TMEM164: variants seen among roughly 807,000 people sequenced by gnomAD.
TMEM164 encodes the protein transmembrane protein 164.
In TMEM164, 4 loss-of-function variants were observed where a neutral mutation model predicts 18.8. That is an observed-to-expected ratio of 0.21 (90% CI 0.10 to 0.49). The LOEUF (loss-of-function observed/expected upper bound fraction) is 0.49, where lower values mean the gene tolerates loss of function less well. Ranked by LOEUF, TMEM164 falls within the 20% of genes least tolerant of loss-of-function variation. The pLI is 0.98. For synonymous variants in TMEM164, 86 were observed against 101.7 expected (o/e 0.85, Z 0.93); for missense variants, 108 against 239.9 (o/e 0.45, Z 3.63).
intron 5 of TMEM164, among the ~76,000 whole-genome samples, chrX:110,160,829 C>T (rs1311204101): frequency 8.9e-6 from 1 of 112,025 alleles, no homozygotes; most frequent in Admixed American, 9.4e-5. Flanking sequence ...CAACCTCCAC[C>T]TCCTGGGTTC....
intron 3 of TMEM164, among the ~76,000 whole-genome samples, chrX:110,073,320 G>A (rs1258591103): frequency 1.8e-5 from 2 of 112,066 alleles, no homozygotes; most frequent in Non-Finnish European, 3.8e-5. Flanking sequence ...ACAGGCATGA[G>A]CTACTATGCC....
At chrX:110,063,486 G>A in intron 2 of TMEM164, among the ~76,000 whole-genome samples, 1 of 111,488 alleles carries the variant, frequency 9.0e-6, no homozygotes, top group Admixed American at 9.5e-5. Flanking sequence ...GAGAGGTTCG[G>A]TAGAGAAGGT....
intron 4 of TMEM164, among the ~76,000 whole-genome samples, chrX:110,124,102 G>A (rs1017053347): frequency 1.9e-4 from 20 of 105,061 alleles, no homozygotes; most frequent in Non-Finnish European, 3.7e-4. Context: ...GTGACAGAGT[G>A]AGAACCTGTA....
chrX:110,009,222 C>T (rs1011910943), intron 2 of TMEM164, among the ~76,000 whole-genome samples: 1 of 112,109 alleles, frequency 8.9e-6, no homozygotes, highest in East Asian at 2.8e-4. Flanking sequence ...CACAGATGGG[C>T]CACCTTCTTC....
At chrX:110,166,341 G>A (rs932532241) in intron 5 of TMEM164, among the ~76,000 whole-genome samples, 1 of 112,363 alleles carries the variant, frequency 8.9e-6, no homozygotes, top group African/African-American at 3.2e-5. Flanking sequence ...ACTTGTAAAC[G>A]CAGGTAGTTC....
At chrX:110,150,199 A>G (rs1010836826) in intron 5 of TMEM164, among the ~76,000 whole-genome samples, 5 of 112,401 alleles carry the variant, frequency 4.4e-5, no homozygotes, top group Non-Finnish European at 7.5e-5. Flanking sequence ...AATGACATTT[A>G]AATAGAAATC....
rs749002433 is a variant in TMEM164, at chrX:110,072,178, G to A, written c.440+4782G>A. Among the ~76,000 whole-genome samples, 479 of 107,155 alleles carry A rather than the reference G, an allele frequency of 4.5e-3. 3 individuals are homozygous for A. The highest frequency in any genetic ancestry group is 7.3e-3 in the Non-Finnish European group (380 of 52,122). The allele number at this position is 107,155 out of a possible 115,157, so 93.1% of individuals were successfully genotyped here. A position where few individuals can be genotyped will look rare whatever the true frequency, so the allele number is the denominator to read the frequency against. On this transcript the variant is annotated intron_variant, in intron 3 of 6. Coordinates refer to ENST00000372068, the MANE Select transcript of TMEM164 (RefSeq NM_032227.4). ...TAGCTGGGTGTGGTGGCAGGTGCCT[G>A]TAATCCCAGCTACTCGAGAGGCTGA...
chrX:110,053,722 C>T (rs757475952), intron 2 of TMEM164, among the ~76,000 whole-genome samples: 4 of 111,352 alleles, frequency 3.6e-5, no homozygotes, highest in Admixed American at 9.5e-5. Context: ...GTTTTCTTGA[C>T]GAGTTTCAAG....
intron 4 of TMEM164, among the ~76,000 whole-genome samples, chrX:110,142,326 C>T (rs960706611): frequency 2.7e-5 from 3 of 112,050 alleles, no homozygotes; most frequent in Admixed American, 9.4e-5. Flanking sequence ...TGACTACTCC[C>T]ATTCATAAGG....
chrX:110,169,700 G>A (rs766262188), intron 5 of TMEM164, among the ~76,000 whole-genome samples: 1 of 111,888 alleles, frequency 8.9e-6, no homozygotes, highest in Non-Finnish European at 1.9e-5. Context: ...TGAATTAGTC[G>A]CCAACATTGG....
intron 5 of TMEM164, 36 bp downstream of exon 5, chrX:110,144,912 A>G: frequency 9.3e-7 from 1 of 1,076,272 alleles, no homozygotes; most frequent in South Asian, 2.0e-5. Context: ...TGTAACCCCC[A>G]CACCTAACCT....
intron 2 of TMEM164, among the ~76,000 whole-genome samples, chrX:110,051,483 C>T (rs941839606): frequency 2.3e-4 from 25 of 109,949 alleles, no homozygotes; most frequent in African/African-American, 8.3e-4. Context: ...TTAGTTTTAC[C>T]TGCCTAGAAC....
intron 2 of TMEM164, among the ~76,000 whole-genome samples, chrX:110,036,230 C>T (rs1934793132): frequency 9.0e-6 from 1 of 111,462 alleles, no homozygotes; most frequent in Admixed American, 9.5e-5. Context: ...ATGCAGTTAC[C>T]CCCTTTCATC....
At chrX:110,012,058 A>G (rs764107201) in intron 2 of TMEM164, among the ~76,000 whole-genome samples, 4 of 111,724 alleles carry the variant, frequency 3.6e-5, no homozygotes, top group African/African-American at 1.3e-4. Context: ...AGGAGGGCCC[A>G]CACTGTCAAC....
intron 2 of TMEM164, among the ~76,000 whole-genome samples, chrX:110,019,747 C>G (rs778414881): frequency 2.7e-5 from 3 of 112,228 alleles, no homozygotes; most frequent in Non-Finnish European, 5.6e-5. Context: ...ACTTATCAAT[C>G]AGTCAGAGCT....
intron 3 of TMEM164, among the ~76,000 whole-genome samples, chrX:110,100,982 G>GTCCT (rs951434160): frequency 9.1e-5 from 10 of 110,159 alleles, no homozygotes; most frequent in Non-Finnish European, 1.5e-4. Context: ...TGGTCTGTCT[G>GTCCT]TCCTTCCTTC....
chrX:110,071,215 A>T (rs913483302), intron 3 of TMEM164, among the ~76,000 whole-genome samples: 2 of 107,813 alleles, frequency 1.9e-5, no homozygotes, highest in African/African-American at 3.4e-5. Context: ...TGTTGCTAGG[A>T]TGGTCTTGAT....
intron 4 of TMEM164, among the ~76,000 whole-genome samples, chrX:110,129,622 T>A (rs1374515755): frequency 8.9e-6 from 1 of 112,677 alleles, no homozygotes; most frequent in Non-Finnish European, 1.9e-5. Context: ...ATGTTTTCAG[T>A]GGTAGATTTG....
intron 3 of TMEM164, among the ~76,000 whole-genome samples, chrX:110,074,868 G>T (rs1418802035): frequency 8.9e-6 from 1 of 111,893 alleles, no homozygotes; most frequent in Non-Finnish European, 1.9e-5. Context: ...TAGCCTTGTA[G>T]TATAGTTTGA....
Sources: gnomAD v4.1 joint callset for allele counts (sites outside exome capture counted in the v4.1 genomes callset) on GRCh38, gnomAD v4.1.1 for gene constraint, MANE v1.5 for transcripts, NCBI Gene and HGNC (gene_info 2026-07-23, HGNC 2026-07-21) for gene names.